CHD7: variants seen among roughly 807,000 people sequenced by gnomAD.
The protein encoded by CHD7 is chromodomain helicase DNA binding protein 7, also known as ATP-dependent chromatin remodeler CHD7.
Under a neutral mutation model 307.3 loss-of-function variants are expected in CHD7, and 24 were observed. The ratio of observed to expected loss-of-function variants is 0.08; its 90% CI spans 0.06 to 0.11. CHD7 has a LOEUF of 0.11. Among genes scored for constraint, CHD7 ranks in the 10% least tolerant of loss-of-function variants. The pLI, the probability that CHD7 is intolerant of heterozygous loss-of-function variation, is 1.00. For synonymous variants in CHD7, 1,363 were observed against 1,349.9 expected (o/e 1.01, Z -0.21); for missense variants, 3,106 against 3,727.1 (o/e 0.83, Z 4.34).
intron 2 of CHD7, among the ~76,000 whole-genome samples, chr8:60,772,646 C>G (rs1369439952): frequency 6.6e-6 from 1 of 152,046 alleles, no homozygotes; most frequent in Admixed American, 6.6e-5. Context: ...AAGACAGATG[C>G]CTTGAGACTG....
At chr8:60,802,693 A>G (rs1209264473) in intron 6 of CHD7, among the ~76,000 whole-genome samples, 2 of 152,152 alleles carry the variant, frequency 1.3e-5, no homozygotes, top group African/African-American at 4.8e-5. Flanking sequence ...ATCTCCCAGT[A>G]AGAGAGTTGA....
intron 7 of CHD7, among the ~76,000 whole-genome samples, chr8:60,812,401 A>G (rs1812853598): frequency 6.6e-6 from 1 of 152,162 alleles, no homozygotes; most frequent in Non-Finnish European, 1.5e-5. Flanking sequence ...ACAGTGGCTC[A>G]TGCCTGTAAT....
At chr8:60,768,775 AC>A (rs1235471646) in intron 2 of CHD7, among the ~76,000 whole-genome samples, 1 of 152,188 alleles carries the variant, frequency 6.6e-6, no homozygotes, top group Non-Finnish European at 1.5e-5. Context: ...GACGACTATT[AC>A]ATTTTGGTAC....
rs1806257448 is a variant in CHD7 at position 60,866,776 on chromosome 8, T to G, written c.*843T>G. 1 of 152,644 alleles carries G rather than the reference T, an allele frequency of 6.6e-6. No homozygotes were observed. The allele number at this position is 152,644 out of a possible 1,614,324, so 9.5% of individuals were successfully genotyped here. A position where few individuals can be genotyped will look rare whatever the true frequency, so the allele number is the denominator to read the frequency against. On this transcript the variant is annotated 3_prime_UTR_variant, in exon 38 of 38. Coordinates refer to ENST00000423902, the MANE Select transcript of CHD7 (RefSeq NM_017780.4). Reference sequence around the variant, plus strand: ...CAGACATGACTTTGTAAATGTATTGTTTTTCTTTGTTGTGATGTCCTTTTA... The same window carrying G: ...CAGACATGACTTTGTAAATGTATTGGTTTTCTTTGTTGTGATGTCCTTTTA...
intron 1 of CHD7, among the ~76,000 whole-genome samples, chr8:60,709,463 T>A (rs1807176284): frequency 6.6e-6 from 1 of 152,186 alleles, no homozygotes; most frequent in Non-Finnish European, 1.5e-5. Flanking sequence ...TAATAAAAAC[T>A]CTTAGGTAAA....
chr8:60,679,566 G>C (rs1805469764), intron 1 of CHD7: 1 of 148,226 alleles, frequency 6.7e-6, no homozygotes, highest in African/African-American at 2.4e-5. Flanking sequence ...AGGAAAAGTT[G>C]GGCTCCAACT....
rs1426903973 is a variant in CHD7, at chr8:60,830,710, G to T, written c.3778+133G>T. 7 of 974,528 alleles carry T rather than the reference G, an allele frequency of 7.2e-6. No homozygotes were observed. The Admixed American group carries it at 8.2e-5, about 11-fold the overall frequency. The allele number at this position is 974,528 out of a possible 1,614,324, so 60.4% of individuals were successfully genotyped here. On this transcript the variant is annotated intron_variant, in intron 15 of 37. Transcript: ENST00000423902. The stretch of plus-strand genomic sequence containing the variant: ...TGTCCACTCAGCATGGGTTTCACCA[G>T]CTTCCCACTTTCTGTGATGCCTCCT...
chr8:60,782,644 T>C (rs1349013406), intron 3 of CHD7, among the ~76,000 whole-genome samples: 1 of 152,246 alleles, frequency 6.6e-6, no homozygotes, highest in Non-Finnish European at 1.5e-5. Flanking sequence ...TGAATTTTCT[T>C]TGATGCCTCA....
At chr8:60,808,384 C>T in intron 7 of CHD7, 112 bp downstream of exon 7, 2 of 715,880 alleles carry the variant, frequency 2.8e-6, no homozygotes, top group East Asian at 5.5e-5. Flanking sequence ...TTTCTTTAGT[C>T]ATCATGGCCT....
intron 1 of CHD7, among the ~76,000 whole-genome samples, chr8:60,704,998 T>G (rs570222260): frequency 1.3e-4 from 20 of 152,332 alleles, no homozygotes; most frequent in African/African-American, 4.6e-4. Flanking sequence ...TTTCTAGCTT[T>G]CTTTCTCACC....
rs1161376750 is a variant in CHD7, at chr8:60,794,968, A to T, written c.2097-18A>T. ...ACACATTAAAAGTGAACACTAAGCG[A>T]TCCACTTTGAATTCTAGTAATAAGA... On this transcript the variant is annotated intron_variant, in intron 3 of 37. Coordinates refer to ENST00000423902, the MANE Select transcript of CHD7 (RefSeq NM_017780.4). 1 of 1,608,294 alleles carries T rather than the reference A, an allele frequency of 6.2e-7. No homozygotes were observed. Among genetic ancestry groups the T allele is most frequent in the South Asian group, 1.1e-5 (1 of 89,930 alleles).
chr8:60,747,872 G>C lies in CHD7; in HGVS notation c.1665+4775G>C, dbSNP rs140287019. ...GGATCATATGCCTTCCTGGTTAGAG[G>C]CTCAGTGAGATTAGTAGTAATGTCT... On this transcript the variant is annotated intron_variant, in intron 2 of 37. Coordinates refer to ENST00000423902, the MANE Select transcript of CHD7 (RefSeq NM_017780.4). Among the ~76,000 whole-genome samples, 60 of 152,348 alleles carry C rather than the reference G, an allele frequency of 3.9e-4. 2 individuals are homozygous for C. In the East Asian group the frequency reaches 5.8e-3, roughly 15 times the overall value.
At chr8:60,805,302 G>T (rs919755331) in intron 6 of CHD7, among the ~76,000 whole-genome samples, 2 of 152,102 alleles carry the variant, frequency 1.3e-5, no homozygotes, top group African/African-American at 4.8e-5. Flanking sequence ...TGAAAGGAAC[G>T]GTGAAAAACA....
At position 60,866,765 on chromosome 8, in the gene CHD7, T is replaced by C. The variant is rs1322557284; in HGVS notation, c.*832T>C. ...CTTGAAGTTTACAGACATGACTTTG[T>C]AAATGTATTGTTTTTCTTTGTTGTG... is the stretch of plus-strand genomic sequence containing the variant. On this transcript the variant is annotated 3_prime_UTR_variant, in exon 38 of 38. Transcript: ENST00000423902. 1 of 152,692 alleles carries C rather than the reference T, an allele frequency of 6.5e-6. No homozygotes were observed. The highest frequency in any genetic ancestry group is 1.5e-5 in the Non-Finnish European group (1 of 68,040). The allele number at this position is 152,692 out of a possible 1,614,324, so 9.5% of individuals were successfully genotyped here. A position where few individuals can be genotyped will look rare whatever the true frequency, so the allele number is the denominator to read the frequency against.
chr8:60,701,006 T>C (rs1806735483), intron 1 of CHD7, among the ~76,000 whole-genome samples: 1 of 152,208 alleles, frequency 6.6e-6, no homozygotes, highest in Non-Finnish European at 1.5e-5. Flanking sequence ...GTGATAACGT[T>C]ATGTTTGAGT....
At chr8:60,715,322 C>T (rs898440874) in intron 1 of CHD7, among the ~76,000 whole-genome samples, 1 of 143,338 alleles carries the variant, frequency 7.0e-6, no homozygotes, top group Admixed American at 6.9e-5. Flanking sequence ...ACAGAGGGCT[C>T]TGCCTTTTTT....
intron 12 of CHD7, 149 bp from the exon 13 acceptor site, chr8:60,823,691 G>A: frequency 1.4e-6 from 1 of 699,334 alleles, no homozygotes. Flanking sequence ...GTTTAAAACT[G>A]CCAAAATAAC....
rs774537514 is a variant in CHD7 at position 60,861,084 on chromosome 8, C to T, written c.7789C>T (p.Leu2597=). 1.2e-6 allele frequency: 2 copies of T among 1,608,408 alleles called. No homozygotes were observed. The highest frequency in any genetic ancestry group is 3.4e-5 in the Admixed American group (2 of 59,220). Residue 2597 remains leucine, a synonymous_variant, in exon 35 of 38, where the codon CTG becomes TTG. Transcript: ENST00000423902. ...KNKDLVEWLK[L]HPTYTVDMPS... is the part of the protein sequence containing the mutation. ...TAAGGATTTAGTTGAATGGCTGAAG[C>T]TGCACCCTACTTACACTGTTGATAT...
At chr8:60,772,690 T>TAAC (rs773246653) in intron 2 of CHD7, among the ~76,000 whole-genome samples, 4 of 152,172 alleles carry the variant, frequency 2.6e-5, no homozygotes, top group Admixed American at 6.5e-5. Context: ...TCCTGTATAG[T>TAAC]TACTAAGGTG....
Sources: allele counts gnomAD v4.1 joint callset (sites outside exome capture counted in the v4.1 genomes callset), GRCh38; gene constraint gnomAD v4.1.1; transcripts MANE v1.5; gene names NCBI Gene and HGNC (gene_info 2026-07-23, HGNC 2026-07-21).